KIAA0232: variants seen among roughly 807,000 people sequenced by gnomAD.
KIAA0232 encodes uncharacterized protein KIAA0232.
Under a neutral mutation model 122.0 loss-of-function variants are expected in KIAA0232, and 27 were observed. That is an observed-to-expected ratio of 0.22 (90% CI 0.16 to 0.31). The LOEUF (loss-of-function observed/expected upper bound fraction) is 0.31. Among genes scored for constraint, KIAA0232 ranks in the 10% least tolerant of loss-of-function variants. The pLI, the probability that KIAA0232 is intolerant of heterozygous loss-of-function variation, is 1.00. For synonymous variants in KIAA0232, 613 were observed against 587.6 expected, an observed-to-expected ratio of 1.04 and a Z score of -0.63; for missense variants, 1,551 against 1,634.2, an observed-to-expected ratio of 0.95 and a Z score of 0.88.
Position 6,855,987 on chromosome 4 carries a change from G to A in KIAA0232, c.370-1177G>A, listed in dbSNP as rs542144926. The A allele has an allele frequency of 1.1e-5, 4 of 378,980 alleles. No individual in the cohort carries two copies. Among genetic ancestry groups the A allele is most frequent in the African/African-American group, 2.2e-5 (1 of 45,646 alleles). The allele number at this position is 378,980 out of a possible 1,614,324, so 23.5% of individuals were successfully genotyped here. On this transcript the variant is annotated intron_variant, in intron 4 of 9. Transcript: ENST00000307659. This position sits in a 1 kb window ranked among gnomAD's most constrained non-coding sequence, Gnocchi z 4.3. ...ATCGTTTTTAAGAGTGTTTTTAAAG[G>A]AAAGGGCAACTCTTGTCTGGCCTAT...
rs767371316 is a variant in KIAA0232, at chr4:6,824,335, C to T, written c.-119C>T. 2.5e-5 allele frequency: 21 copies of T among 845,664 alleles called. No homozygotes were observed. The highest frequency in any genetic ancestry group is 3.6e-5 in the Non-Finnish European group (18 of 501,330). 52.4% of individuals were successfully genotyped at this position (845,664 alleles called of 1,614,324 possible). A position where few individuals can be genotyped will look rare whatever the true frequency, so the allele number is the denominator to read the frequency against. On this transcript the variant is annotated 5_prime_UTR_variant, in exon 3 of 10. Transcript: ENST00000307659. ...GGCTGACTACCAGCAAAAATAAATGCTTATCCTACATGTCAAGCATCTCTA... is the reference window on the plus strand; with the variant it reads ...GGCTGACTACCAGCAAAAATAAATGTTTATCCTACATGTCAAGCATCTCTA...
intron 7 of KIAA0232, among the ~76,000 whole-genome samples, chr4:6,867,286 A>G (rs541852154): frequency 5.6e-4 from 85 of 152,282 alleles, no homozygotes; most frequent in African/African-American, 1.9e-3. Context: ...AGGTTGAGGA[A>G]GGTTTCTTGA....
rs535532356 is a variant in KIAA0232, at chr4:6,784,483, A to G, written c.-354+1642A>G. On this transcript the variant is annotated intron_variant, in intron 1 of 9. Transcript: ENST00000307659. ...CTATCACTCTGCATCCTCAAGGTCA[A>G]ATATTCTTCCATCAGTTATTTTGGA... Among the ~76,000 whole-genome samples the G allele has an allele frequency of 7.7e-4, 117 of 152,310 alleles. 1 individual carries two copies. In the Middle Eastern group the frequency reaches 0.017, roughly 22 times the overall value.
intron 7 of KIAA0232, chr4:6,866,075 T>C (rs1272382590): frequency 2.5e-5 from 6 of 240,672 alleles, no homozygotes; most frequent in Non-Finnish European, 3.4e-5. Context: ...TTTAATCCCA[T>C]TGAAACACTG....
intron 4 of KIAA0232, among the ~76,000 whole-genome samples, chr4:6,847,218 A>G (rs1386401949): frequency 6.6e-6 from 1 of 152,186 alleles, no homozygotes; most frequent in Non-Finnish European, 1.5e-5. Context: ...TGTGACTGTT[A>G]TAGTTACAAT....
rs756895847 is a variant in KIAA0232 at position 6,853,750 on chromosome 4, C to T, written c.370-3414C>T. Among the ~76,000 whole-genome samples the T allele has an allele frequency of 3.9e-5, 6 of 152,066 alleles. No homozygotes were observed. The South Asian group carries it at 6.2e-4, about 16-fold the overall frequency. On this transcript the variant is annotated intron_variant, in intron 4 of 9. Coordinates refer to ENST00000307659, the MANE Select transcript of KIAA0232 (RefSeq NM_014743.3). ...GTCAAATTGCCTTTCTTTTACTTTA[C>T]GCTTAATAACTAAGGTCCAAGTTGA...
intron 1 of KIAA0232, among the ~76,000 whole-genome samples, chr4:6,792,278 T>C (rs565422825): frequency 4.0e-4 from 61 of 152,346 alleles, no homozygotes; most frequent in Non-Finnish European, 7.6e-4. Context: ...CTAGTTGATA[T>C]GAAGAGTTTC....
chr4:6,824,705 T>G, intron 3 of KIAA0232, 21 bp downstream of exon 3: 1 of 1,601,944 alleles, frequency 6.2e-7, no homozygotes, highest in Non-Finnish European at 8.6e-7. Flanking sequence ...ATTTTAAGTG[T>G]TTTCTGAAAA....
intron 4 of KIAA0232, among the ~76,000 whole-genome samples, chr4:6,849,147 A>C (rs1049499389): frequency 6.6e-6 from 1 of 152,180 alleles, no homozygotes; most frequent in African/African-American, 2.4e-5. Context: ...GCTGTGCTGG[A>C]GGGACAGAGG....
At chr4:6,847,706 T>G (rs1251575743) in intron 4 of KIAA0232, among the ~76,000 whole-genome samples, 1 of 152,170 alleles carries the variant, frequency 6.6e-6, no homozygotes, top group Non-Finnish European at 1.5e-5. Context: ...AGAGGAATGG[T>G]ATTGTGAATC....
At position 6,875,453 on chromosome 4, in the gene KIAA0232, C is replaced by T. The variant is rs534256627; in HGVS notation, c.3911-1207C>T. 1.6e-3 allele frequency among the ~76,000 whole-genome samples: 244 copies of T among 152,360 alleles called. 1 individual carries two copies. Among genetic ancestry groups the T allele is most frequent in the Non-Finnish European group, 2.8e-3 (191 of 68,030 alleles). On this transcript the variant is annotated intron_variant, in intron 8 of 9. Transcript: ENST00000307659. ...GAACCTCAACTAGTAACTTGGAGTT[C>T]TTGGAGCCGTCAGAGAGAACAGCTG...
At chr4:6,838,880 G>A (rs1719492024) in intron 3 of KIAA0232, among the ~76,000 whole-genome samples, 1 of 152,118 alleles carries the variant, frequency 6.6e-6, no homozygotes, top group Non-Finnish European at 1.5e-5. Flanking sequence ...TGTAATCCTA[G>A]CACTCTGGGA....
At chr4:6,846,745 C>T (rs1719987120) in intron 4 of KIAA0232, among the ~76,000 whole-genome samples, 1 of 151,912 alleles carries the variant, frequency 6.6e-6, no homozygotes, top group Non-Finnish European at 1.5e-5. Context: ...CTGTGTGTCC[C>T]CTGGGTTTCT....
At chr4:6,854,267 G>A (rs1312548636) in intron 4 of KIAA0232, among the ~76,000 whole-genome samples, 1 of 151,632 alleles carries the variant, frequency 6.6e-6, no homozygotes, top group African/African-American at 2.4e-5. Flanking sequence ...ACTGAATCTT[G>A]GGAGGGAAGT....
At chr4:6,805,050 T>G (rs1717553713) in intron 2 of KIAA0232, among the ~76,000 whole-genome samples, 1 of 152,216 alleles carries the variant, frequency 6.6e-6, no homozygotes, top group Non-Finnish European at 1.5e-5. Flanking sequence ...TTTCCCTAAT[T>G]TATGCAAAAT....
intron 1 of KIAA0232, among the ~76,000 whole-genome samples, chr4:6,792,087 T>C (rs375720270): frequency 1.2e-4 from 19 of 152,362 alleles, no homozygotes; most frequent in East Asian, 9.6e-4. Flanking sequence ...TGCAGCCACG[T>C]GGAACTGTAA....
chr4:6,837,012 G>A lies in KIAA0232; in HGVS notation c.232-5055G>A, dbSNP rs185231225. Reference sequence around the variant, plus strand: ...CCCCACACTTCCCCCCTTTCTATTCGACAAAACCGCCATCGTCATCATGGC... The same window carrying A: ...CCCCACACTTCCCCCCTTTCTATTCAACAAAACCGCCATCGTCATCATGGC... On this transcript the variant is annotated intron_variant, in intron 3 of 9. Coordinates refer to ENST00000307659, the MANE Select transcript of KIAA0232 (RefSeq NM_014743.3). 4.3e-3 allele frequency among the ~76,000 whole-genome samples: 659 copies of A among 152,132 alleles called. 6 individuals are homozygous for A. The highest frequency in any genetic ancestry group is 0.015 in the African/African-American group (630 of 41,492).
intron 2 of KIAA0232, among the ~76,000 whole-genome samples, chr4:6,821,747 C>T (rs1032352513): frequency 6.6e-6 from 1 of 151,362 alleles, no homozygotes; most frequent in Non-Finnish European, 1.5e-5. Flanking sequence ...TTTCTTTATC[C>T]CCTCATTGAT....
Position 6,856,789 on chromosome 4 carries a change from C to T in KIAA0232, c.370-375C>T, listed in dbSNP as rs529344364. On this transcript the variant is annotated intron_variant, in intron 4 of 9. Coordinates refer to ENST00000307659, the MANE Select transcript of KIAA0232 (RefSeq NM_014743.3). The stretch of plus-strand genomic sequence containing the variant: ...TTTAAGTCTGGTATAAGATCTCGCT[C>T]ACATAAATATTTAATACTCTTTTTG... Among the ~76,000 whole-genome samples, 15 of 152,106 alleles carry T rather than the reference C, an allele frequency of 9.9e-5. No individual in the cohort carries two copies. In the South Asian group the frequency reaches 2.5e-3, roughly 25 times the overall value.
Sources: allele counts gnomAD v4.1 joint callset (sites outside exome capture counted in the v4.1 genomes callset), GRCh38; gene constraint gnomAD v4.1.1; non-coding constraint Gnocchi (gnomAD v3.1); transcripts MANE v1.5; gene names NCBI Gene and HGNC (gene_info 2026-07-23, HGNC 2026-07-21).